WNK1: variants seen among roughly 807,000 people sequenced by gnomAD.
WNK1 encodes the protein serine/threonine-protein kinase WNK1.
In WNK1, 38 loss-of-function variants were observed where a neutral mutation model predicts 222.8. The observed-to-expected ratio is 0.17, with a 90% CI of 0.13 to 0.22. The LOEUF is 0.22. Among genes scored for constraint, WNK1 ranks in the 10% least tolerant of loss-of-function variants. WNK1 has a pLI of 1.00. For missense variants in WNK1, 2,348 were observed against 2,918.4 expected, an observed-to-expected ratio of 0.80 and a Z score of 4.50; for synonymous variants, 1,090 against 1,092.9, an observed-to-expected ratio of 1.00 and a Z score of 0.05.
chr12:874,317 G>A (rs1465395504), intron 9 of WNK1, among the ~76,000 whole-genome samples: 2 of 152,174 alleles, frequency 1.3e-5, no homozygotes, highest in Non-Finnish European at 2.9e-5. Context: ...GTGGGACTGC[G>A]CACAGCAGAT....
chr12:911,023 T>TATCA lies in WNK1; in HGVS notation c.*2232_*2235dup, dbSNP rs1555166035. ...AGCAGTGGAGCCTCATGCAGCACAT[T>TATCA]ATCATTTGTTATTTGGGTTTAATAA... On this transcript the variant is annotated 3_prime_UTR_variant, in exon 28 of 28. Transcript: ENST00000315939. The TATCA allele has an allele frequency of 2.6e-5, 8 of 312,086 alleles. No homozygotes were observed. Among genetic ancestry groups the TATCA allele is most frequent in the East Asian group, 2.5e-4 (5 of 19,810 alleles). 19.3% of individuals were successfully genotyped at this position (312,086 alleles called of 1,614,324 possible).
At chr12:901,331 C>G (rs1231466244) in intron 26 of WNK1, among the ~76,000 whole-genome samples, 1 of 152,194 alleles carries the variant, frequency 6.6e-6, no homozygotes, top group Admixed American at 6.5e-5. Context: ...GTAAGGAGGG[C>G]AAACTAGCTA....
In WNK1 at chr12:889,195, A is replaced by G; in HGVS notation, c.5420A>G (p.Glu1807Gly). Residue 1807 changes from glutamate (E) to glycine (G), a missense_variant, in exon 21 of 28, where the codon GAG becomes GGG. This residue lies in a region of WNK1 where 1,144 missense variants were observed against 1,273.6 expected (regional missense o/e 0.90). Transcript: ENST00000315939. The stretch of plus-strand genomic sequence containing the variant: ...CAATTGAGAAGAACACTTAGTCCAG[A>G]GATGATCACAGTGACTTCTGCGGTT... ...DAQLRRTLSPEMITVTSAVGP... is the reference protein window; with the variant it reads ...DAQLRRTLSPGMITVTSAVGP... 1 of 1,614,124 alleles carries G rather than the reference A, an allele frequency of 6.2e-7. No homozygotes were observed.
At chr12:770,232 C>A (rs553288022) in intron 1 of WNK1, among the ~76,000 whole-genome samples, 3 of 152,150 alleles carry the variant, frequency 2.0e-5, no homozygotes, top group Admixed American at 6.5e-5. Flanking sequence ...CCTCGGCCTC[C>A]CAAAGTGCTG....
At position 753,554 on chromosome 12, in the gene WNK1, A is replaced by G. The variant is rs985284767; in HGVS notation, c.-12A>G. On this transcript the variant is annotated 5_prime_UTR_variant, in exon 1 of 28. Coordinates refer to ENST00000315939, the MANE Select transcript of WNK1 (RefSeq NM_018979.4). The surrounding 1 kb of genome is among the most constrained non-coding windows in gnomAD (Gnocchi z 5.2). ...AATCCGAGCCCGCTCGCCTCTCTCC[A>G]GCGAACCGACCATGTCTGGCGGCGC... 6.2e-7 allele frequency: 1 copy of G among 1,611,874 alleles called. No homozygotes were observed. Among genetic ancestry groups the G allele is most frequent in the East Asian group, 2.2e-5 (1 of 44,814 alleles).
intron 20 of WNK1, among the ~76,000 whole-genome samples, chr12:887,849 A>T (rs1953818773): frequency 6.6e-6 from 1 of 152,142 alleles, no homozygotes; most frequent in Non-Finnish European, 1.5e-5. Context: ...TTTTAAAATA[A>T]AAGCCACCGA....
chr12:806,305 T>C (rs1946362594), intron 1 of WNK1, among the ~76,000 whole-genome samples: 1 of 152,080 alleles, frequency 6.6e-6, no homozygotes, highest in South Asian at 2.1e-4. Flanking sequence ...CTGTAGTGGG[T>C]TGTTTTTGGA....
chr12:820,384 A>G (rs1947746171), intron 2 of WNK1, among the ~76,000 whole-genome samples: 1 of 145,474 alleles, frequency 6.9e-6, no homozygotes, highest in Admixed American at 6.8e-5. Context: ...AATACAACTG[A>G]TTTTTGTGTG....
chr12:796,859 A>G (rs1945355418), intron 1 of WNK1, among the ~76,000 whole-genome samples: 1 of 148,248 alleles, frequency 6.7e-6, no homozygotes, highest in Admixed American at 6.9e-5. Flanking sequence ...TCTGTTCCAC[A>G]CCAATGCAAG....
At chr12:843,953 C>T (rs749003172) in intron 4 of WNK1, among the ~76,000 whole-genome samples, 3 of 151,926 alleles carry the variant, frequency 2.0e-5, no homozygotes, top group Non-Finnish European at 2.9e-5. Context: ...AAAAAGTAGG[C>T]TATATAGTAT....
At chr12:778,064 G>C (rs1943300854) in intron 1 of WNK1, among the ~76,000 whole-genome samples, 1 of 152,160 alleles carries the variant, frequency 6.6e-6, no homozygotes, top group African/African-American at 2.4e-5. Flanking sequence ...TGATTTAAAT[G>C]ATGATATTCT....
rs1592281271 is a variant in WNK1 at position 908,476 on chromosome 12, G to A, written c.6833G>A (p.Gly2278Asp). The change falls in exon 28 of 28, where the codon GGC (glycine) becomes GAC (aspartate). Residue 2278 changes from glycine to aspartate, a missense_variant and splice_region_variant. By Grantham distance (94) the Gly-to-Asp change is moderately conservative. This residue lies in a region of WNK1 where 55 missense variants were observed against 104.1 expected (regional missense o/e 0.53). Transcript: ENST00000315939. ...RGSKGHMNYEGPGMARKFSAP... is the reference protein window; with the variant it reads ...RGSKGHMNYEDPGMARKFSAP... ...GACACGTGGTGGTTTTGTTTTCAGGGCCCTGGAATGGCAAGGAAGTTCTCT... is the reference window on the plus strand; with the variant it reads ...GACACGTGGTGGTTTTGTTTTCAGGACCCTGGAATGGCAAGGAAGTTCTCT... The A allele has an allele frequency of 6.2e-7, 1 of 1,614,150 alleles. No individual in the cohort carries two copies. The highest frequency in any genetic ancestry group is 8.5e-7 in the Non-Finnish European group (1 of 1,180,032).
At chr12:862,398 C>T (rs1951286529) in intron 8 of WNK1, 128 bp downstream of exon 8, 2 of 1,050,944 alleles carry the variant, frequency 1.9e-6, no homozygotes, top group Non-Finnish European at 2.8e-6. Context: ...TGCTGTGTCT[C>T]TAAAGCCTTA....
intron 5 of WNK1, among the ~76,000 whole-genome samples, chr12:857,729 C>T (rs1365449220): frequency 6.6e-6 from 1 of 152,112 alleles, no homozygotes; most frequent in Non-Finnish European, 1.5e-5. Flanking sequence ...GAAGACTTGG[C>T]CCAGGGGTTG....
At position 908,861 on chromosome 12, in the gene WNK1, G is replaced by GGGGGGCCCC; in HGVS notation, c.*69_*70insGGGGGCCCC. 1 of 491,846 alleles carries GGGGGGCCCC rather than the reference G, an allele frequency of 2.0e-6. No homozygotes were observed. Among genetic ancestry groups the GGGGGGCCCC allele is most frequent in the Non-Finnish European group, 4.1e-6 (1 of 241,770 alleles). The allele number at this position is 491,846 out of a possible 1,614,324, so 30.5% of individuals were successfully genotyped here. On this transcript the variant is annotated 3_prime_UTR_variant, in exon 28 of 28. Transcript: ENST00000315939. Reference sequence around the variant, plus strand: ...ATGCTGAGGGGGTGGGTGGGGGTGGGAAGTAGCCTATATACTAACTACTAG... The same window carrying GGGGGGCCCC: ...ATGCTGAGGGGGTGGGTGGGGGTGGGGGGGGCCCCAAGTAGCCTATATACTAACTACTAG...
At chr12:860,227 G>A (rs1951104073) in intron 6 of WNK1, among the ~76,000 whole-genome samples, 1 of 152,178 alleles carries the variant, frequency 6.6e-6, no homozygotes, top group African/African-American at 2.4e-5. Flanking sequence ...TTATCTGGAT[G>A]AACTCTATAA....
At chr12:882,772 A>C (rs576324444) in intron 14 of WNK1, among the ~76,000 whole-genome samples, 171 bp from the exon 15 acceptor site, 3 of 152,352 alleles carry the variant, frequency 2.0e-5, no homozygotes, top group African/African-American at 4.8e-5. Flanking sequence ...GTCTTCTCAA[A>C]GATTTTTCTT....
chr12:877,831 T>C (rs886761637), intron 9 of WNK1, among the ~76,000 whole-genome samples: 1 of 152,142 alleles, frequency 6.6e-6, no homozygotes, highest in Non-Finnish European at 1.5e-5. Flanking sequence ...CTATCTGATA[T>C]AGGTGCCAAA....
At position 896,318 on chromosome 12, in the gene WNK1, G is replaced by A. The variant is rs768625196; in HGVS notation, c.5831G>A (p.Gly1944Glu). 4.3e-6 allele frequency: 7 copies of A among 1,614,190 alleles called. No individual in the cohort carries two copies. Among genetic ancestry groups the A allele is most frequent in the Non-Finnish European group, 5.9e-6 (7 of 1,180,034 alleles). ...KSDTGQPTKV[G>E]RFQVTTTANK... Reference sequence around the variant, plus strand: ...GACACTGGGCAGCCTACCAAGGTTGGACGTTTTCAGGTGACAACTACAGCA... The same window carrying A: ...GACACTGGGCAGCCTACCAAGGTTGAACGTTTTCAGGTGACAACTACAGCA... Residue 1944 changes from glycine to glutamate, a missense_variant, in exon 24 of 28, where the codon GGA (glycine) becomes GAA (glutamate). Gly to Glu is a moderately conservative substitution (Grantham distance 98, BLOSUM62 -2). Coordinates refer to ENST00000315939, the MANE Select transcript of WNK1 (RefSeq NM_018979.4).
Sources: gnomAD v4.1 joint callset for allele counts (sites outside exome capture counted in the v4.1 genomes callset) on GRCh38, gnomAD v4.1.1 for gene constraint, gnomAD v4.1.1 regional missense constraint, Gnocchi (gnomAD v3.1) non-coding constraint, MANE v1.5 for transcripts, NCBI Gene and HGNC (gene_info 2026-07-23, HGNC 2026-07-21) for gene names.